RFXAP: variants seen among roughly 807,000 people sequenced by gnomAD.
RFXAP encodes the protein regulatory factor X-associated protein.
In RFXAP, 21 loss-of-function variants were observed where a neutral mutation model predicts 25.7. The ratio of observed to expected loss-of-function variants is 0.82; its 90% CI spans 0.58 to 1.18. The LOEUF (loss-of-function observed/expected upper bound fraction) is 1.18, where lower values mean the gene tolerates loss of function less well. RFXAP is among the 50% of genes most tolerant of loss of function. RFXAP has a pLI of 0.00. For missense variants in RFXAP, 333 were observed against 363.0 expected (o/e 0.92, Z 0.67); for synonymous variants, 161 against 152.2 (o/e 1.06, Z -0.43).
Position 36,825,328 on chromosome 13 carries a change from A to T in RFXAP, c.601-100A>T, listed in dbSNP as rs943624725. The T allele has an allele frequency of 1.7e-5, 15 of 894,134 alleles. No individual in the cohort carries two copies. In the African/African-American group the frequency reaches 2.5e-4, roughly 15 times the overall value. 55.4% of individuals were successfully genotyped at this position (894,134 alleles called of 1,614,324 possible). On this transcript the variant is annotated intron_variant, in intron 1 of 2. Coordinates refer to ENST00000255476, the MANE Select transcript of RFXAP (RefSeq NM_000538.4). ...GCCCAGAGACTGGGCAAGAAGAAGG[A>T]AGAAATGCAAAGACCTGTTCATTAC...
chr13:36,825,895 T>G (rs1052258187), intron 2 of RFXAP, among the ~76,000 whole-genome samples: 1 of 145,574 alleles, frequency 6.9e-6, no homozygotes, highest in Non-Finnish European at 1.5e-5. Flanking sequence ...ATATTCCTGG[T>G]TGGGCATTGT....
rs541693973 is a variant in RFXAP at position 36,828,666 on chromosome 13, G to C, written c.*913G>C. On this transcript the variant is annotated 3_prime_UTR_variant, in exon 3 of 3. Coordinates refer to ENST00000255476, the MANE Select transcript of RFXAP (RefSeq NM_000538.4). ...AATGAAAAAGATCCTTTTCAAAAAG[G>C]TGATCCTGAAAATAAAACTAACACT... 1.3e-5 allele frequency: 2 copies of C among 152,190 alleles called. No homozygotes were observed. The highest frequency in any genetic ancestry group is 3.9e-4 in the East Asian group (2 of 5,178). The allele number at this position is 152,190 out of a possible 1,614,324, so 9.4% of individuals were successfully genotyped here.
chr13:36,819,599 G>A lies in RFXAP; in HGVS notation c.242G>A (p.Gly81Asp). The A allele has an allele frequency of 1.3e-6, 2 of 1,537,368 alleles. No individual in the cohort carries two copies. Among genetic ancestry groups the A allele is most frequent in the Admixed American group, 2.0e-5 (1 of 49,526 alleles). The change falls in exon 1 of 3, where the codon GGC (glycine) becomes GAC (aspartate). Residue 81 changes from glycine (G) to aspartate (D), a missense_variant. By Grantham distance (94) the Gly-to-Asp change is moderately conservative. Transcript: ENST00000255476. ...TACCTGTGCGAAGGGGCCGGGGATG[G>A]CGAAGAGGAGGCTGGGGAGGACGAG... The part of the protein sequence containing the change: ...VRYLCEGAGD[G>D]EEEAGEDEAD...
intron 1 of RFXAP, among the ~76,000 whole-genome samples, chr13:36,823,046 T>G (rs1340091288): frequency 6.6e-6 from 1 of 152,178 alleles, no homozygotes; most frequent in Non-Finnish European, 1.5e-5. Context: ...GTTTCTTATG[T>G]GTCAAGCACT....
chr13:36,826,674 G>T (rs1165552194), intron 2 of RFXAP, among the ~76,000 whole-genome samples: 2 of 152,128 alleles, frequency 1.3e-5, no homozygotes, highest in Admixed American at 6.5e-5. Context: ...CAGCCTAAAT[G>T]TCCAACAGTG....
In RFXAP at chr13:36,819,534, G is replaced by A. The variant is rs753358692; in HGVS notation, c.177G>A (p.Ala59=). The A allele has an allele frequency of 2.6e-6, 4 of 1,523,752 alleles. No individual in the cohort carries two copies. The highest frequency in any genetic ancestry group is 4.4e-5 in the Admixed American group (2 of 45,850). The allele number at this position is 1,523,752 out of a possible 1,614,324, so 94.4% of individuals were successfully genotyped here. A position where few individuals can be genotyped will look rare whatever the true frequency, so the allele number is the denominator to read the frequency against. The change falls in exon 1 of 3, where the codon GCG becomes GCA. Residue 59 remains alanine (A), a synonymous_variant. Coordinates refer to ENST00000255476, the MANE Select transcript of RFXAP (RefSeq NM_000538.4). Reference sequence around the variant, plus strand: ...CCTGTGCTGGGCAGGACGAGGCTGCGGCCCCCGGGGGCAGCGTTGGGGCGG... The same window carrying A: ...CCTGTGCTGGGCAGGACGAGGCTGCAGCCCCCGGGGGCAGCGTTGGGGCGG... ...MQPCAGQDEA[A]APGGSVGAGK...
rs529524253 is a variant in RFXAP at position 36,828,651 on chromosome 13, A to G, written c.*898A>G. On this transcript the variant is annotated 3_prime_UTR_variant, in exon 3 of 3. Transcript: ENST00000255476. ...TTTTTTATTAAACAAAATGAAAAAGATCCTTTTCAAAAAGGTGATCCTGAA... is the reference window on the plus strand; with the variant it reads ...TTTTTTATTAAACAAAATGAAAAAGGTCCTTTTCAAAAAGGTGATCCTGAA... 49 of 152,354 alleles carry G rather than the reference A, an allele frequency of 3.2e-4. No homozygotes were observed. The highest frequency in any genetic ancestry group is 7.9e-4 in the African/African-American group (33 of 41,582). 9.4% of individuals were successfully genotyped at this position (152,354 alleles called of 1,614,324 possible).
At chr13:36,823,210 TA>T (rs944594417) in intron 1 of RFXAP, among the ~76,000 whole-genome samples, 4 of 152,342 alleles carry the variant, frequency 2.6e-5, no homozygotes, top group Admixed American at 2.0e-4. Flanking sequence ...AGTCTTATTC[TA>T]GAGCTTTCAC....
intron 2 of RFXAP, among the ~76,000 whole-genome samples, chr13:36,825,992 A>G (rs2057976841): frequency 1.3e-5 from 2 of 152,090 alleles, no homozygotes. Flanking sequence ...TGGGCAACGT[A>G]GCGAGACCCC....
At chr13:36,822,457 AC>A (rs1468725324) in intron 1 of RFXAP, among the ~76,000 whole-genome samples, 1 of 151,914 alleles carries the variant, frequency 6.6e-6, no homozygotes, top group Admixed American at 6.6e-5. Context: ...CCTAACATTT[AC>A]ATCTACAGTG....
rs948216066 is a variant in RFXAP, at chr13:36,828,792, A to G, written c.*1039A>G. ...AGTAATCTGGATACCTTTTTCTTAT[A>G]CTTTCTCCTAGGAAAACTTTAAAAC... On this transcript the variant is annotated 3_prime_UTR_variant, in exon 3 of 3. Transcript: ENST00000255476. 21 of 152,204 alleles carry G rather than the reference A, an allele frequency of 1.4e-4. No individual in the cohort carries two copies. Among genetic ancestry groups the G allele is most frequent in the African/African-American group, 5.1e-4 (21 of 41,446 alleles). The allele number at this position is 152,204 out of a possible 1,614,324, so 9.4% of individuals were successfully genotyped here. A position where few individuals can be genotyped will look rare whatever the true frequency, so the allele number is the denominator to read the frequency against.
intron 2 of RFXAP, 48 bp from the exon 3 acceptor site, chr13:36,827,595 A>G (rs1566321079): frequency 3.8e-6 from 5 of 1,311,594 alleles, no homozygotes; most frequent in Non-Finnish European, 5.5e-6. Context: ...AAAACAGTCT[A>G]ATGACATAGA....
intron 1 of RFXAP, 70 bp from the exon 2 acceptor site, chr13:36,825,358 T>C: frequency 8.6e-7 from 1 of 1,161,196 alleles, no homozygotes; most frequent in Admixed American, 1.7e-5. Context: ...CATTACATCT[T>C]TGAAATACCT....
At chr13:36,821,212 C>T (rs2057960800) in intron 1 of RFXAP, among the ~76,000 whole-genome samples, 1 of 28,884 alleles carries the variant, frequency 3.5e-5, no homozygotes, top group Admixed American at 4.2e-4. Context: ...ACCCTGTCTC[C>T]TTAAAAAAAA....
chr13:36,819,346 G>T lies in RFXAP; in HGVS notation c.-12G>T. On this transcript the variant is annotated 5_prime_UTR_variant, in exon 1 of 3. The change creates a new upstream start codon in the 5' untranslated region. Transcript: ENST00000255476. ...AGCCCGGGGTCGTGGACCCCGGCCAGGTCTTAGCAGCATGGAGGCGCAGGG... is the reference window on the plus strand; with the variant it reads ...AGCCCGGGGTCGTGGACCCCGGCCATGTCTTAGCAGCATGGAGGCGCAGGG... The T allele has an allele frequency of 7.9e-7, 1 of 1,260,376 alleles. No homozygotes were observed. The allele number at this position is 1,260,376 out of a possible 1,614,324, so 78.1% of individuals were successfully genotyped here.
At chr13:36,825,867 G>A (rs999398416) in intron 2 of RFXAP, among the ~76,000 whole-genome samples, 2 of 151,608 alleles carry the variant, frequency 1.3e-5, no homozygotes, top group African/African-American at 4.9e-5. Context: ...TAACGTGTCT[G>A]GTATTTTATC....
intron 1 of RFXAP, 99 bp downstream of exon 1, chr13:36,820,056 G>A: frequency 6.5e-7 from 1 of 1,536,074 alleles, no homozygotes; most frequent in Admixed American, 2.0e-5. Flanking sequence ...ACTTCCAAAT[G>A]GGCCGGTTTG....
In RFXAP at chr13:36,819,507, A is replaced by G. The variant is rs761195790; in HGVS notation, c.150A>G (p.Gln50=). 51 of 1,552,138 alleles carry G rather than the reference A, an allele frequency of 3.3e-5. No individual in the cohort carries two copies. Among genetic ancestry groups the G allele is most frequent in the Middle Eastern group, 1.7e-4 (1 of 5,972 alleles). The change falls in exon 1 of 3, where the codon CAA becomes CAG. Residue 50 remains glutamine (Q), a synonymous_variant. Coordinates refer to ENST00000255476, the MANE Select transcript of RFXAP (RefSeq NM_000538.4). ...CTCAATTCACCCTGCTAGTGATGCA[A>G]CCCTGTGCTGGGCAGGACGAGGCTG... ...AASQFTLLVM[Q]PCAGQDEAAA... is the part of the protein sequence containing the mutation.
chr13:36,821,381 C>T (rs557157088), intron 1 of RFXAP, among the ~76,000 whole-genome samples: 39 of 152,120 alleles, frequency 2.6e-4, no homozygotes, highest in Non-Finnish European at 5.0e-4. Context: ...ATGTTCTAGG[C>T]CAGGCTCAGT....
Sources: allele counts gnomAD v4.1 joint callset (sites outside exome capture counted in the v4.1 genomes callset), GRCh38; gene constraint gnomAD v4.1.1; transcripts MANE v1.5; gene names NCBI Gene and HGNC (gene_info 2026-07-23, HGNC 2026-07-21).